C9orf153: variants seen among roughly 807,000 people sequenced by gnomAD.
C9orf153 encodes uncharacterized protein C9orf153.
A neutral mutation model predicts 9.0 loss-of-function variants in C9orf153; 10 were observed. The ratio of observed to expected loss-of-function variants is 1.11; its 90% CI spans 0.69 to 1.89. The LOEUF is 1.89. Ranked by LOEUF, C9orf153 falls within the 40% of genes most tolerant of loss-of-function variation. The pLI is 0.00. For missense variants in C9orf153, 108 were observed against 111.0 expected (o/e 0.97, Z 0.12); for synonymous variants, 35 against 37.3 (o/e 0.94, Z 0.23).
intron 3 of C9orf153, chr9:86,227,247 A>T (rs2131175253): frequency 7.7e-7 from 1 of 1,305,268 alleles, no homozygotes; most frequent in South Asian, 2.5e-5. Flanking sequence ...CATGTGCTCA[A>T]GTGATCCTCC....
chr9:86,239,766 T>G (rs769524269), intron 1 of C9orf153, among the ~76,000 whole-genome samples: 18 of 152,246 alleles, frequency 1.2e-4, no homozygotes, highest in Non-Finnish European at 1.9e-4. Context: ...GAGTTTTATC[T>G]TAGGTAAATT....
rs1350315981 is a variant in C9orf153, at chr9:86,227,873, TCTC to T, written c.221_223del (p.Gly74del). On this transcript the variant is annotated inframe_deletion, in exon 3 of 4. Coordinates refer to ENST00000339137, the MANE Select transcript of C9orf153 (RefSeq NM_001276366.4). Reference sequence around the variant, plus strand: ...TGTGCACCTGATAACAGGTTGGAGATCTCCTCTCACATCAGCGCCCCTGGTGAA... The same window carrying T: ...TGTGCACCTGATAACAGGTTGGAGATCTCTCACATCAGCGCCCCTGGTGAA... The T allele has an allele frequency of 1.2e-5, 20 of 1,611,834 alleles. No individual in the cohort carries two copies. Among genetic ancestry groups the T allele is most frequent in the South Asian group, 8.8e-5 (8 of 90,636 alleles).
intron 1 of C9orf153, among the ~76,000 whole-genome samples, chr9:86,242,359 C>CTT (rs33917348): frequency 0.29 from 44,184 of 149,852 alleles, 6,579 homozygotes; most frequent in East Asian, 0.36. Context: ...GGCTTACATT[C>CTT]TTTTTTTTTT....
chr9:86,239,897 G>A (rs1378627644), intron 1 of C9orf153, among the ~76,000 whole-genome samples: 5 of 152,102 alleles, frequency 3.3e-5, no homozygotes, highest in Non-Finnish European at 7.4e-5. Flanking sequence ...GGGAATCTGG[G>A]CTGTTAGAAT....
At position 86,247,021 on chromosome 9, in the gene C9orf153, G is replaced by A. The variant is rs553684055; in HGVS notation, c.-27+12529C>T. 6.3e-4 allele frequency among the ~76,000 whole-genome samples: 96 copies of A among 152,314 alleles called. 1 individual carries two copies. Among genetic ancestry groups the A allele is most frequent in the African/African-American group, 2.1e-3 (87 of 41,568 alleles). On this transcript the variant is annotated intron_variant, in intron 1 of 3. Coordinates refer to ENST00000339137, the MANE Select transcript of C9orf153 (RefSeq NM_001276366.4). ...GTTTCCACTTCCTGCGAGTTCACAC[G>A]GGTCTCTTTGGGGAAGCCAAAGGGC...
chr9:86,254,494 CAG>C (rs1166596196), intron 1 of C9orf153, among the ~76,000 whole-genome samples: 1 of 152,164 alleles, frequency 6.6e-6, no homozygotes, highest in Non-Finnish European at 1.5e-5. Flanking sequence ...GTAAACTACT[CAG>C]AAAGTTTGCT....
rs187694773 is a variant in C9orf153, at chr9:86,225,777, G to A, written c.242+2078C>T. 1.9e-3 allele frequency among the ~76,000 whole-genome samples: 295 copies of A among 152,196 alleles called. 1 individual carries two copies. Among genetic ancestry groups the A allele is most frequent in the Admixed American group, 3.8e-3 (58 of 15,278 alleles). On this transcript the variant is annotated intron_variant, in intron 3 of 3. Coordinates refer to ENST00000339137, the MANE Select transcript of C9orf153 (RefSeq NM_001276366.4). ...TGGGATTATAGGCGTGAGCCACCAT[G>A]CCCAGCCAGCATATTTCTTGAATAG...
Position 86,227,999 on chromosome 9 carries a change from A to G in C9orf153, c.98T>C (p.Phe33Ser). 2 of 1,612,094 alleles carry G rather than the reference A, an allele frequency of 1.2e-6. No homozygotes were observed. Among genetic ancestry groups the G allele is most frequent in the Non-Finnish European group, 8.5e-7 (1 of 1,179,130 alleles). Reference sequence around the variant, plus strand: ...ATTTGATTTCTTGCTCTCCTTATTAAAATTCTCAATACATGCATATAATTC... The same window carrying G: ...ATTTGATTTCTTGCTCTCCTTATTAGAATTCTCAATACATGCATATAATTC... ...LPELYACIEN[F>S]NKESKKSNLL... Residue 33 changes from phenylalanine (F) to serine (S), a missense_variant, in exon 3 of 4, where the codon TTT (phenylalanine) becomes TCT (serine). Physicochemically the swap from Phe to Ser is radical, Grantham distance 155. Coordinates refer to ENST00000339137, the MANE Select transcript of C9orf153 (RefSeq NM_001276366.4).
intron 1 of C9orf153, among the ~76,000 whole-genome samples, chr9:86,233,344 A>G (rs547472623): frequency 5.9e-5 from 9 of 152,330 alleles, no homozygotes; most frequent in African/African-American, 1.9e-4. Context: ...TGGCTGATGA[A>G]CTAAAATTGA....
At chr9:86,247,413 G>A (rs1297963902) in intron 1 of C9orf153, among the ~76,000 whole-genome samples, 1 of 152,088 alleles carries the variant, frequency 6.6e-6, no homozygotes, top group Non-Finnish European at 1.5e-5. Flanking sequence ...TGGGCGTGGT[G>A]GCTCACATCT....
chr9:86,223,114 C>T (rs1824242358), intron 3 of C9orf153, among the ~76,000 whole-genome samples: 1 of 152,150 alleles, frequency 6.6e-6, no homozygotes, highest in Admixed American at 6.6e-5. Flanking sequence ...TTGACAAGAT[C>T]TTTGGAGGCC....
chr9:86,221,800 G>T, intron 3 of C9orf153, 67 bp from the exon 4 acceptor site: 1 of 1,100,958 alleles, frequency 9.1e-7, no homozygotes, highest in Non-Finnish European at 1.3e-6. Flanking sequence ...ACTCAGAGAT[G>T]CTTCATGGAC....
chr9:86,231,026 C>T (rs962346548), intron 1 of C9orf153, among the ~76,000 whole-genome samples: 2 of 152,124 alleles, frequency 1.3e-5, no homozygotes, highest in South Asian at 2.1e-4. Context: ...GGAGCCTGAG[C>T]CACCATGTAA....
intron 1 of C9orf153, among the ~76,000 whole-genome samples, chr9:86,246,350 G>A (rs1824863972): frequency 6.6e-6 from 1 of 152,090 alleles, no homozygotes; most frequent in Non-Finnish European, 1.5e-5. Flanking sequence ...TAAGGATTTG[G>A]GAAAAGTGAA....
In C9orf153 at chr9:86,239,190, G is replaced by C. The variant is rs10868400; in HGVS notation, c.-26-9561C>G. Among the ~76,000 whole-genome samples the C allele has an allele frequency of 7.2e-5, 11 of 151,728 alleles. No homozygotes were observed. The East Asian group carries it at 7.8e-4, about 11-fold the overall frequency. On this transcript the variant is annotated intron_variant, in intron 1 of 3. Coordinates refer to ENST00000339137, the MANE Select transcript of C9orf153 (RefSeq NM_001276366.4). Reference sequence around the variant, plus strand: ...ACAAAGGAATCACTTGAACCCGGGAGGCGGAGGTTGCGGTAAGCTGAGATT... The same window carrying C: ...ACAAAGGAATCACTTGAACCCGGGACGCGGAGGTTGCGGTAAGCTGAGATT...
At chr9:86,238,824 G>A (rs1469591037) in intron 1 of C9orf153, among the ~76,000 whole-genome samples, 1 of 151,966 alleles carries the variant, frequency 6.6e-6, no homozygotes, top group Non-Finnish European at 1.5e-5. Flanking sequence ...ATCCAATGAT[G>A]AGCTCATAAT....
chr9:86,242,960 T>G (rs1157221249), intron 1 of C9orf153, among the ~76,000 whole-genome samples: 1 of 152,162 alleles, frequency 6.6e-6, no homozygotes, highest in Non-Finnish European at 1.5e-5. Context: ...ATTACAGGCG[T>G]GAACCACCAC....
rs150988982 is a variant in C9orf153 at position 86,244,652 on chromosome 9, G to A, written c.-27+14898C>T. Among the ~76,000 whole-genome samples the A allele has an allele frequency of 2.7e-4, 41 of 152,252 alleles. No homozygotes were observed. The East Asian group carries it at 6.7e-3, about 25-fold the overall frequency. On this transcript the variant is annotated intron_variant, in intron 1 of 3. Coordinates refer to ENST00000339137, the MANE Select transcript of C9orf153 (RefSeq NM_001276366.4). ...AAATGGGAGTGTGTTCTTTCTTGGC[G>A]AATGAATACTTATGAAGATCTGTGC...
chr9:86,252,028 T>TTTG lies in C9orf153; in HGVS notation c.-27+7521_-27+7522insCAA, dbSNP rs1825008291. On this transcript the variant is annotated intron_variant, in intron 1 of 3. Coordinates refer to ENST00000339137, the MANE Select transcript of C9orf153 (RefSeq NM_001276366.4). ...GTCTCATGCTGTCGTTATTTGGTCTTTTTTGTTTTGTTTTGTTTTGTTTTG... is the reference window on the plus strand; with the variant it reads ...GTCTCATGCTGTCGTTATTTGGTCTTTTGTTTTGTTTTGTTTTGTTTTGTTTTG... Among the ~76,000 whole-genome samples the TTTG allele has an allele frequency of 4.0e-5, 6 of 151,530 alleles. No individual in the cohort carries two copies. In the East Asian group the frequency reaches 5.9e-4, roughly 15 times the overall value.
Sources: gnomAD v4.1 joint callset for allele counts (sites outside exome capture counted in the v4.1 genomes callset) on GRCh38, gnomAD v4.1.1 for gene constraint, MANE v1.5 for transcripts, NCBI Gene and HGNC (gene_info 2026-07-23, HGNC 2026-07-21) for gene names.